Variants in ANKRD30B observed in about 807,000 individuals in gnomAD.
ANKRD30B encodes the protein ankyrin repeat domain 30B, also known as ankyrin repeat domain-containing protein 30B.
Under a neutral mutation model 202.2 loss-of-function variants are expected in ANKRD30B, and 144 were observed. The ratio of observed to expected loss-of-function variants is 0.71; its 90% CI spans 0.62 to 0.82. The LOEUF (loss-of-function observed/expected upper bound fraction) is 0.82, where lower values mean the gene tolerates loss of function less well. ANKRD30B is among the 40% of genes least tolerant of loss of function. The pLI is 0.00. For synonymous variants in ANKRD30B, 508 were observed against 561.3 expected (o/e 0.91, Z 1.34); for missense variants, 1,487 against 1,669.1 (o/e 0.89, Z 1.90).
the ANKRD30B span, among the ~76,000 whole-genome samples, chr18:14,892,009 A>T: frequency 3.3e-5 from 5 of 152,254 alleles, no homozygotes; most frequent in African/African-American, 4.8e-5. Flanking sequence ...TACTTTTATG[A>T]CAAAAACTGT....
chr18:14,909,083 C>A, the ANKRD30B span, among the ~76,000 whole-genome samples: 1 of 152,166 alleles, frequency 6.6e-6, no homozygotes, highest in Non-Finnish European at 1.5e-5. Context: ...ACAAAGTCTG[C>A]ACCTGTCTTC....
At chr18:14,931,907 C>G in the ANKRD30B span, among the ~76,000 whole-genome samples, 23 of 139,446 alleles carry the variant, frequency 1.6e-4, no homozygotes, top group East Asian at 4.3e-4. Context: ...CCAGGCCCCC[C>G]ACCCCACCTC....
the ANKRD30B span, among the ~76,000 whole-genome samples, chr18:14,909,014 G>C: frequency 6.6e-6 from 1 of 152,200 alleles, no homozygotes; most frequent in Admixed American, 6.5e-5. Context: ...GGAAGCTGTC[G>C]GAGGATGTGC....
At chr18:14,835,357 G>A (rs189560712) in intron 34 of ANKRD30B, among the ~76,000 whole-genome samples, 140 of 151,552 alleles carry the variant, frequency 9.2e-4, no homozygotes, top group African/African-American at 3.1e-3. Flanking sequence ...AGAATCATAC[G>A]TAAGGGAAGA....
At chr18:14,810,226 A>G (rs1969835027) in intron 28 of ANKRD30B, 46 bp downstream of exon 28, 10 of 1,172,214 alleles carry the variant, frequency 8.5e-6, no homozygotes, top group Non-Finnish European at 1.2e-5. Context: ...AGAATATTAA[A>G]CTATTTGAAA....
At position 14,853,841 on chromosome 18, in the gene ANKRD30B, G is replaced by T. The variant is rs1630993; in HGVS notation, c.4509G>T (p.Ala1503=). 0.99 allele frequency among the ~76,000 whole-genome samples: 151,527 copies of T among 152,300 alleles called. 75,382 individuals are homozygous for T. Among genetic ancestry groups the T allele is most frequent in the Middle Eastern group, 1 (294 of 294 alleles). Residue 1503 remains alanine, a synonymous_variant, in exon 43 of 44, where the codon GCG becomes GCT. Transcript: ENST00000690538. ...TGAGACAACTTCAAAAAAAATTGGC[G>T]GATCTTAATAAACAGTGTGAGGCTT... The part of the protein sequence containing the change: ...VIVRQLQKKL[A]DLNKQCEASL...
At position 14,748,735 on chromosome 18, in the gene ANKRD30B, G is replaced by A; in HGVS notation, c.221+95G>A. 2.3e-6 allele frequency: 3 copies of A among 1,281,202 alleles called. No individual in the cohort carries two copies. In the Admixed American group the frequency reaches 8.4e-5, roughly 36 times the overall value. The allele number at this position is 1,281,202 out of a possible 1,614,324, so 79.4% of individuals were successfully genotyped here. A position where few individuals can be genotyped will look rare whatever the true frequency, so the allele number is the denominator to read the frequency against. ...TGGTGGCTGGGGGTCCTGGGGACGA[G>A]GGGAGCAGGTGGAGGAGTGGCGGGC... On this transcript the variant is annotated intron_variant, in intron 1 of 43. Coordinates refer to ENST00000690538, the MANE Select transcript of ANKRD30B (RefSeq NM_001367607.2).
chr18:14,767,710 G>GATGACTA (rs59157957), intron 7 of ANKRD30B, among the ~76,000 whole-genome samples: 89,455 of 151,426 alleles, frequency 0.59, 27,001 homozygotes, highest in African/African-American at 0.71. Flanking sequence ...AGACCATTTT[G>GATGACTA]ATGGGCAGAT....
At chr18:14,833,374 G>C (rs1191905416) in intron 34 of ANKRD30B, among the ~76,000 whole-genome samples, 3 of 152,040 alleles carry the variant, frequency 2.0e-5, no homozygotes, top group Non-Finnish European at 4.4e-5. Context: ...TCAGCCTCCA[G>C]AGCAACTGGA....
the ANKRD30B span, among the ~76,000 whole-genome samples, chr18:14,933,503 C>T: frequency 0.39 from 58,837 of 151,726 alleles, 12,936 homozygotes; most frequent in East Asian, 0.59. Flanking sequence ...GGAGCAAGGG[C>T]CAGGAAATCG....
At chr18:14,820,681 A>G (rs1338374385) in intron 30 of ANKRD30B, among the ~76,000 whole-genome samples, 3 of 152,244 alleles carry the variant, frequency 2.0e-5, no homozygotes, top group African/African-American at 4.8e-5. Flanking sequence ...ATTTGCATAT[A>G]TTGAACCAGC....
the ANKRD30B span, among the ~76,000 whole-genome samples, chr18:14,868,537 T>C: frequency 6.6e-6 from 1 of 152,288 alleles, no homozygotes; most frequent in African/African-American, 2.4e-5. Flanking sequence ...CTTGGCAAGC[T>C]GTGTGTTGGA....
intron 37 of ANKRD30B, among the ~76,000 whole-genome samples, chr18:14,841,628 G>A (rs1235032462): frequency 4.6e-5 from 7 of 152,172 alleles, no homozygotes; most frequent in Non-Finnish European, 8.8e-5. Context: ...GATATTGAAT[G>A]GGAAGAATCA....
chr18:14,776,390 G>A lies in ANKRD30B; in HGVS notation c.1330-1595G>A, dbSNP rs576180217. ...AGAAAATTGGAGAACTTTATAATTA[G>A]CATGCGTATGGGAGTGGCAGTGGAA... On this transcript the variant is annotated intron_variant, in intron 9 of 43. Coordinates refer to ENST00000690538, the MANE Select transcript of ANKRD30B (RefSeq NM_001367607.2). 4.7e-4 allele frequency among the ~76,000 whole-genome samples: 72 copies of A among 152,296 alleles called. 1 individual carries two copies. The South Asian group carries it at 0.013, about 28-fold the overall frequency.
intron 14 of ANKRD30B, among the ~76,000 whole-genome samples, chr18:14,786,317 G>T (rs1252398614): frequency 1.3e-5 from 2 of 152,104 alleles, no homozygotes; most frequent in Non-Finnish European, 2.9e-5. Flanking sequence ...ATGTGGGAAC[G>T]TTAGATTACT....
At chr18:14,915,913 T>G in the ANKRD30B span, among the ~76,000 whole-genome samples, 1 of 152,224 alleles carries the variant, frequency 6.6e-6, no homozygotes, top group Non-Finnish European at 1.5e-5. Flanking sequence ...ACTATTTACA[T>G]AGCATTTGTG....
the ANKRD30B span, among the ~76,000 whole-genome samples, chr18:14,864,531 T>TC: frequency 6.6e-6 from 1 of 151,820 alleles, no homozygotes; most frequent in Non-Finnish European, 1.5e-5. Flanking sequence ...CACCATTTTT[T>TC]CCCCACTGTC....
In ANKRD30B at chr18:14,795,617, A is replaced by G. The variant is rs1231699025; in HGVS notation, c.1826-604A>G. ...AATACTCCTATTTCACAGAGGTTCA[A>G]AAATAAATATATTTATAAACTTTTA... On this transcript the variant is annotated intron_variant, in intron 16 of 43. Coordinates refer to ENST00000690538, the MANE Select transcript of ANKRD30B (RefSeq NM_001367607.2). 2.0e-5 allele frequency among the ~76,000 whole-genome samples: 3 copies of G among 152,212 alleles called. No individual in the cohort carries two copies. The East Asian group carries it at 5.8e-4, about 29-fold the overall frequency.
At chr18:14,779,725 C>T (rs1385370817) in intron 10 of ANKRD30B, among the ~76,000 whole-genome samples, 2 of 144,550 alleles carry the variant, frequency 1.4e-5, no homozygotes, top group African/African-American at 5.1e-5. Flanking sequence ...ATAATTAATA[C>T]AAATTAGTCA....
Sources: gnomAD v4.1 joint callset for allele counts (sites outside exome capture counted in the v4.1 genomes callset) on GRCh38, gnomAD v4.1.1 for gene constraint, MANE v1.5 for transcripts, NCBI Gene and HGNC (gene_info 2026-07-23, HGNC 2026-07-21) for gene names.